TENM2: variants seen among roughly 807,000 people sequenced by gnomAD.
TENM2 encodes teneurin-2.
TENM2 carries 52 observed loss-of-function variants against 245.2 expected under a neutral mutation model. The observed-to-expected ratio is 0.21, with a 90% CI of 0.17 to 0.27. TENM2 has a LOEUF of 0.27. Ranked by LOEUF, TENM2 falls within the 10% of genes least tolerant of loss-of-function variation. TENM2 has a pLI of 1.00. For missense variants in TENM2, 3,046 were observed against 3,666.8 expected (o/e 0.83, Z 4.37); for synonymous variants, 1,363 against 1,438.9 (o/e 0.95, Z 1.19).
At chr5:168,051,793 C>T (rs1324784982) in intron 6 of TENM2, among the ~76,000 whole-genome samples, 1 of 152,208 alleles carries the variant, frequency 6.6e-6, no homozygotes, top group African/African-American at 2.4e-5. Flanking sequence ...CATAAGCTTG[C>T]TGTCCATCAT....
the TENM2 span, among the ~76,000 whole-genome samples, chr5:167,170,761 G>A: frequency 5.9e-5 from 9 of 152,232 alleles, no homozygotes; most frequent in East Asian, 1.2e-3. Flanking sequence ...CCAAAGCAGC[G>A]TTCGTCAAAG....
chr5:168,031,189 G>A (rs921039246), intron 5 of TENM2, among the ~76,000 whole-genome samples: 3 of 152,156 alleles, frequency 2.0e-5, no homozygotes, highest in Non-Finnish European at 4.4e-5. Context: ...AATGGGATCG[G>A]GGATCTGTGC....
chr5:168,029,271 G>A (rs951006409), intron 5 of TENM2, among the ~76,000 whole-genome samples: 3 of 152,140 alleles, frequency 2.0e-5, no homozygotes, highest in African/African-American at 7.2e-5. Flanking sequence ...GAATTCTGGG[G>A]AGGGATAGAC....
chr5:168,224,489 G>T (rs1257132846), intron 23 of TENM2, among the ~76,000 whole-genome samples: 2 of 152,198 alleles, frequency 1.3e-5, no homozygotes, highest in Non-Finnish European at 2.9e-5. Context: ...CCTGAGCCAG[G>T]TCTGCAATTC....
intron 2 of TENM2, among the ~76,000 whole-genome samples, chr5:167,870,569 AT>A (rs1167806935): frequency 2.8e-5 from 4 of 142,446 alleles, no homozygotes; most frequent in African/African-American, 1.1e-4. Context: ...ATATATATAT[AT>A]GTGTGTGTAT....
intron 6 of TENM2, among the ~76,000 whole-genome samples, chr5:168,060,618 G>A (rs919070982): frequency 2.6e-5 from 4 of 152,068 alleles, no homozygotes; most frequent in Non-Finnish European, 4.4e-5. Flanking sequence ...TCTTAAGATC[G>A]AAACCAGTGT....
chr5:167,990,827 T>G (rs1783611852), intron 4 of TENM2, among the ~76,000 whole-genome samples: 1 of 152,200 alleles, frequency 6.6e-6, no homozygotes, highest in African/African-American at 2.4e-5. Flanking sequence ...CTGTGAAGGA[T>G]TAAAATACTT....
the TENM2 span, among the ~76,000 whole-genome samples, chr5:166,981,963 G>T: frequency 6.6e-6 from 1 of 152,048 alleles, no homozygotes; most frequent in Non-Finnish European, 1.5e-5. Flanking sequence ...GCTTGTTGAT[G>T]GGTTTATTAT....
At chr5:168,037,433 A>G (rs915978430) in intron 5 of TENM2, among the ~76,000 whole-genome samples, 2 of 152,154 alleles carry the variant, frequency 1.3e-5, no homozygotes, top group Non-Finnish European at 2.9e-5. Context: ...AGAAATAGAA[A>G]AATGGTGATT....
chr5:168,171,894 G>A (rs1050859923), intron 13 of TENM2, among the ~76,000 whole-genome samples: 4 of 152,188 alleles, frequency 2.6e-5, no homozygotes, highest in African/African-American at 7.2e-5. Flanking sequence ...TTGTGCTTTG[G>A]CCAGAGCCTT....
At chr5:167,830,339 T>C (rs1768360386) in intron 2 of TENM2, among the ~76,000 whole-genome samples, 1 of 152,216 alleles carries the variant, frequency 6.6e-6, no homozygotes, top group African/African-American at 2.4e-5. Flanking sequence ...TTTTTTCTGC[T>C]TTCTTTTTTA....
chr5:167,397,546 T>C (rs1433927891), intron 2 of TENM2, among the ~76,000 whole-genome samples: 1 of 152,160 alleles, frequency 6.6e-6, no homozygotes, highest in Non-Finnish European at 1.5e-5. Flanking sequence ...CTTCTCATTT[T>C]GAAGAGATAA....
intron 2 of TENM2, among the ~76,000 whole-genome samples, chr5:167,421,717 T>G (rs1234710907): frequency 6.6e-6 from 1 of 152,206 alleles, no homozygotes; most frequent in Non-Finnish European, 1.5e-5. Flanking sequence ...ATCTACTACA[T>G]AAGATTCTTG....
intron 13 of TENM2, among the ~76,000 whole-genome samples, chr5:168,182,787 C>T (rs1220486410): frequency 1.3e-5 from 2 of 151,080 alleles, no homozygotes; most frequent in Middle Eastern, 3.5e-3. Context: ...CTAGGACCCA[C>T]GTGAGCCCTG....
Position 167,581,082 on chromosome 5 carries a change from G to A in TENM2, c.502+205609G>A, listed in dbSNP as rs188023340. On this transcript the variant is annotated intron_variant, in intron 2 of 28. Coordinates refer to ENST00000518659, the Ensembl canonical transcript of TENM2. ...GTGGCTTGGACACTTTCATAATCCT[G>A]TGGTTATATCTGGCACTTTGTACCA... Among the ~76,000 whole-genome samples the A allele has an allele frequency of 7.2e-5, 11 of 152,252 alleles. No individual in the cohort carries two copies. The East Asian group carries it at 7.7e-4, about 11-fold the overall frequency.
the TENM2 span, among the ~76,000 whole-genome samples, chr5:166,982,998 A>C: frequency 2.0e-5 from 3 of 152,080 alleles, no homozygotes; most frequent in Non-Finnish European, 4.4e-5. Flanking sequence ...ATTTTGCTTT[A>C]AAGAGGGAAT....
chr5:167,313,319 A>C (rs1756150667), intron 1 of TENM2, among the ~76,000 whole-genome samples: 1 of 152,118 alleles, frequency 6.6e-6, no homozygotes, highest in Non-Finnish European at 1.5e-5. Context: ...ATTGGAAGAA[A>C]ACGAATTGTC....
At chr5:167,111,876 C>A in the TENM2 span, among the ~76,000 whole-genome samples, 1 of 152,196 alleles carries the variant, frequency 6.6e-6, no homozygotes, top group Non-Finnish European at 1.5e-5. Flanking sequence ...TATTATGCCT[C>A]ATCCAAATTA....
At chr5:167,818,311 A>G (rs1001685029) in intron 2 of TENM2, among the ~76,000 whole-genome samples, 13 of 152,184 alleles carry the variant, frequency 8.5e-5, no homozygotes, top group African/African-American at 3.1e-4. Flanking sequence ...ACAGATTGTC[A>G]ATAACAATCT....
Sources: allele counts gnomAD v4.1 joint callset (sites outside exome capture counted in the v4.1 genomes callset), GRCh38; gene constraint gnomAD v4.1.1; transcripts MANE v1.5; gene names NCBI Gene and HGNC (gene_info 2026-07-23, HGNC 2026-07-21).